Variants in DENND1B observed in about 807,000 individuals in gnomAD.
DENND1B encodes DENN domain containing 1B.
In DENND1B, 59 loss-of-function variants were observed where a neutral mutation model predicts 90.1. The ratio of observed to expected loss-of-function variants is 0.65; its 90% CI spans 0.53 to 0.81. The LOEUF (loss-of-function observed/expected upper bound fraction) is 0.81, where lower values mean the gene tolerates loss of function less well. DENND1B is among the 40% of genes least tolerant of loss of function. DENND1B has a pLI of 0.00. For missense variants in DENND1B, 862 were observed against 912.6 expected (o/e 0.94, Z 0.71); for synonymous variants, 337 against 324.6 (o/e 1.04, Z -0.41).
intron 10 of DENND1B, among the ~76,000 whole-genome samples, chr1:197,619,691 T>C (rs779359962): frequency 1.3e-4 from 20 of 151,248 alleles, no homozygotes; most frequent in Non-Finnish European, 2.2e-4. Context: ...CTCTACTAAA[T>C]GCCATGTAAA....
chr1:197,770,809 TAA>T (rs1387284693), intron 2 of DENND1B, among the ~76,000 whole-genome samples: 8 of 140,212 alleles, frequency 5.7e-5, no homozygotes, highest in Non-Finnish European at 7.6e-5. Context: ...AATATATATA[TAA>T]ATATATATGT....
At chr1:197,626,714 C>T (rs191320488) in intron 10 of DENND1B, among the ~76,000 whole-genome samples, 1 of 151,646 alleles carries the variant, frequency 6.6e-6, no homozygotes, top group Non-Finnish European at 1.5e-5. Flanking sequence ...CAAAAAAAAC[C>T]CTTCAAAAAA....
intron 15 of DENND1B, among the ~76,000 whole-genome samples, chr1:197,574,467 CCA>C (rs1673471735): frequency 6.6e-6 from 1 of 152,174 alleles, no homozygotes; most frequent in African/African-American, 2.4e-5. Flanking sequence ...GAAGAACATT[CCA>C]CATTCATGGA....
intron 2 of DENND1B, chr1:197,736,055 A>G: frequency 2.3e-6 from 2 of 862,524 alleles, no homozygotes; most frequent in South Asian, 2.9e-5. Context: ...GCACCTAAGT[A>G]AATGATTGTG....
intron 15 of DENND1B, among the ~76,000 whole-genome samples, chr1:197,561,850 C>T (rs115533747): frequency 6.6e-6 from 1 of 151,828 alleles, no homozygotes; most frequent in Non-Finnish European, 1.5e-5. Flanking sequence ...TATCTATTGG[C>T]TTTATTTATA....
chr1:197,591,896 G>A (rs1015519005), intron 14 of DENND1B, among the ~76,000 whole-genome samples: 2 of 151,916 alleles, frequency 1.3e-5, no homozygotes, highest in African/African-American at 4.8e-5. Context: ...GTATCACGAG[G>A]TCAGGAGATC....
At chr1:197,714,991 C>T (rs150548097) in intron 3 of DENND1B, 40 bp downstream of exon 3, 5 of 1,502,496 alleles carry the variant, frequency 3.3e-6, no homozygotes, top group Non-Finnish European at 4.6e-6. Flanking sequence ...AATCATAATA[C>T]TTCAACTTTA....
intron 4 of DENND1B, among the ~76,000 whole-genome samples, chr1:197,673,579 T>C (rs1291816514): frequency 6.6e-6 from 1 of 152,134 alleles, no homozygotes; most frequent in Non-Finnish European, 1.5e-5. Flanking sequence ...CTCTATGCAA[T>C]TTCATCATTC....
At chr1:197,562,265 A>C (rs1323742708) in intron 15 of DENND1B, among the ~76,000 whole-genome samples, 1 of 151,936 alleles carries the variant, frequency 6.6e-6, no homozygotes, top group African/African-American at 2.4e-5. Context: ...CAATGGATAC[A>C]GGCATATCTC....
chr1:197,760,156 A>G (rs1405333269), intron 2 of DENND1B, among the ~76,000 whole-genome samples: 1 of 152,228 alleles, frequency 6.6e-6, no homozygotes, highest in South Asian at 2.1e-4. Context: ...TTTGGAAGGC[A>G]TTCCAGAAGA....
At chr1:197,647,201 C>T in intron 7 of DENND1B, 87 bp from the exon 8 acceptor site, 1 of 834,246 alleles carries the variant, frequency 1.2e-6, no homozygotes, top group Non-Finnish European at 1.7e-6. Context: ...GAGACAAACC[C>T]ATGTAGCCAA....
rs546452985 is a variant in DENND1B at position 197,576,093 on chromosome 1, CAGAAAA to C, written c.1149+7053_1149+7058del. On this transcript the variant is annotated intron_variant, in intron 15 of 22. Coordinates refer to ENST00000620048, the MANE Select transcript of DENND1B (RefSeq NM_001195215.2). ...CCTAAAGTATAATTTAAAAAGAAAA[CAGAAAA>C]AGAAAAAGAAAAAAAAATCTAAAGA... is the stretch of plus-strand genomic sequence containing the variant. 2.4e-3 allele frequency among the ~76,000 whole-genome samples: 359 copies of C among 150,918 alleles called. 3 individuals carry two copies. Among genetic ancestry groups the C allele is most frequent in the African/African-American group, 7.9e-3 (323 of 41,066 alleles).
intron 13 of DENND1B, among the ~76,000 whole-genome samples, chr1:197,600,502 T>C (rs1676107917): frequency 6.6e-6 from 1 of 151,736 alleles, no homozygotes; most frequent in African/African-American, 2.4e-5. Flanking sequence ...ACAAAGAGCA[T>C]ACCTTAAACC....
At chr1:197,763,766 C>T (rs1412987372) in intron 2 of DENND1B, among the ~76,000 whole-genome samples, 1 of 152,178 alleles carries the variant, frequency 6.6e-6, no homozygotes, top group Non-Finnish European at 1.5e-5. Flanking sequence ...TCTACTGTTC[C>T]CTAAGCAATG....
chr1:197,589,092 C>T (rs1274643346), intron 14 of DENND1B, among the ~76,000 whole-genome samples: 3 of 151,986 alleles, frequency 2.0e-5, no homozygotes, highest in Non-Finnish European at 2.9e-5. Flanking sequence ...AATTTAAATA[C>T]TTAGAAAAAA....
chr1:197,731,313 G>C (rs917827287), intron 2 of DENND1B, among the ~76,000 whole-genome samples: 2 of 152,018 alleles, frequency 1.3e-5, no homozygotes, highest in African/African-American at 4.8e-5. Context: ...GAATAAATTT[G>C]AAATTCATGA....
chr1:197,707,203 A>T (rs995082109), intron 3 of DENND1B, among the ~76,000 whole-genome samples: 77 of 152,282 alleles, frequency 5.1e-4, no homozygotes, highest in African/African-American at 1.6e-3. Context: ...TTGGAAGCTT[A>T]AAAAATTGAT....
upstream of DENND1B, among the ~76,000 whole-genome samples, chr1:197,779,012 T>C (rs1267076582): frequency 2.0e-5 from 3 of 152,154 alleles, no homozygotes; most frequent in African/African-American, 7.2e-5. Context: ...CAAAAATGCA[T>C]TATGAATGTT....
chr1:197,563,674 T>C (rs1279368986), intron 15 of DENND1B, among the ~76,000 whole-genome samples: 1 of 152,028 alleles, frequency 6.6e-6, no homozygotes, highest in Non-Finnish European at 1.5e-5. Flanking sequence ...AGGAGTAATT[T>C]TGACTTTCAA....
Sources: allele counts gnomAD v4.1 joint callset (sites outside exome capture counted in the v4.1 genomes callset), GRCh38; gene constraint gnomAD v4.1.1; transcripts MANE v1.5; gene names NCBI Gene and HGNC (gene_info 2026-07-23, HGNC 2026-07-21).